BBS4: variants seen among roughly 807,000 people sequenced by gnomAD.
BBS4 encodes the protein Bardet-Biedl syndrome 4.
In BBS4, 58 loss-of-function variants were observed where a neutral mutation model predicts 71.4. The ratio of observed to expected loss-of-function variants is 0.81; its 90% CI spans 0.66 to 1.01. The LOEUF (loss-of-function observed/expected upper bound fraction) is 1.01. BBS4 is among the 50% of genes least tolerant of loss of function. The probability of loss-of-function intolerance (pLI) is 0.00; values close to 1 mark genes in which losing one functional copy is unlikely to be tolerated. For synonymous variants in BBS4, 228 were observed against 216.8 expected, an observed-to-expected ratio of 1.05 and a Z score of -0.46; for missense variants, 660 against 607.9, an observed-to-expected ratio of 1.09 and a Z score of -0.90.
chr15:72,737,093 G>GAA, intron 15 of BBS4, 130 bp downstream of exon 15: 1 of 1,153,952 alleles, frequency 8.7e-7, no homozygotes, highest in Non-Finnish European at 1.3e-6. Context: ...CACAAGGGGA[G>GAA]AAAAAAAACA....
chr15:72,730,187 G>C (rs1004122845), intron 10 of BBS4, among the ~76,000 whole-genome samples: 1 of 151,666 alleles, frequency 6.6e-6, no homozygotes, highest in Non-Finnish European at 1.5e-5. Flanking sequence ...TGAGGCAGGA[G>C]AATGGCGTGA....
intron 5 of BBS4, among the ~76,000 whole-genome samples, chr15:72,715,750 T>G (rs1412608811): frequency 6.6e-6 from 1 of 152,238 alleles, no homozygotes; most frequent in African/African-American, 2.4e-5. Flanking sequence ...ACTTAGTATT[T>G]GTCACACAGT....
chr15:72,698,442 A>G (rs2065115287), intron 2 of BBS4, among the ~76,000 whole-genome samples: 1 of 152,136 alleles, frequency 6.6e-6, no homozygotes, highest in East Asian at 1.9e-4. Flanking sequence ...TTCTGTATCT[A>G]TGAATTTGAC....
chr15:72,723,352 A>G (rs1244370565), intron 7 of BBS4, among the ~76,000 whole-genome samples: 1 of 152,210 alleles, frequency 6.6e-6, no homozygotes, highest in Non-Finnish European at 1.5e-5. Flanking sequence ...ATTAAGCTAT[A>G]GACTCCTATA....
intron 1 of BBS4, among the ~76,000 whole-genome samples, chr15:72,694,415 T>A (rs1218565846): frequency 6.6e-6 from 1 of 152,194 alleles, no homozygotes; most frequent in Non-Finnish European, 1.5e-5. Flanking sequence ...GGTCTTGAAC[T>A]CCTGACCTCA....
chr15:72,702,272 C>A (rs760912933), intron 2 of BBS4, among the ~76,000 whole-genome samples: 8 of 152,052 alleles, frequency 5.3e-5, no homozygotes, highest in Non-Finnish European at 1.2e-4. Context: ...CCTTGGAGAC[C>A]TGGGTTATAG....
chr15:72,700,435 A>G (rs2065150716), intron 2 of BBS4, among the ~76,000 whole-genome samples: 1 of 152,208 alleles, frequency 6.6e-6, no homozygotes, highest in Non-Finnish European at 1.5e-5. Context: ...CTGTTTGGCT[A>G]CATTCTTGCC....
chr15:72,725,049 T>TAG (rs1450047592), intron 8 of BBS4, among the ~76,000 whole-genome samples: 4 of 101,422 alleles, frequency 3.9e-5, no homozygotes, highest in African/African-American at 9.8e-5. Flanking sequence ...TATATATATA[T>TAG]ATATATATAG....
chr15:72,730,899 C>A (rs904218581), intron 10 of BBS4, among the ~76,000 whole-genome samples: 16 of 152,118 alleles, frequency 1.1e-4, no homozygotes, highest in Admixed American at 3.3e-4. Context: ...TAAGTAGCCA[C>A]GTACAGGTGT....
intron 2 of BBS4, among the ~76,000 whole-genome samples, chr15:72,696,818 T>C (rs891423706): frequency 6.6e-6 from 1 of 152,186 alleles, no homozygotes; most frequent in Admixed American, 6.5e-5. Flanking sequence ...TTTGAACTCC[T>C]GGCTTCAAGT....
At chr15:72,703,624 A>G (rs1391583957) in intron 2 of BBS4, among the ~76,000 whole-genome samples, 2 of 152,142 alleles carry the variant, frequency 1.3e-5, no homozygotes, top group East Asian at 3.9e-4. Flanking sequence ...GAGAAGTGAA[A>G]TAACTTGCCC....
intron 9 of BBS4, among the ~76,000 whole-genome samples, chr15:72,728,989 C>T (rs552998034): frequency 6.6e-6 from 1 of 152,208 alleles, no homozygotes; most frequent in South Asian, 2.1e-4. Flanking sequence ...TGAGGATACC[C>T]AGCTCATTTC....
chr15:72,735,749 T>C (rs200002292), intron 13 of BBS4, 76 bp from the exon 14 acceptor site: 2 of 1,587,484 alleles, frequency 1.3e-6, no homozygotes, highest in East Asian at 4.5e-5. Context: ...TGTTTTGTTT[T>C]TGTGTAATGA....
Position 72,738,240 on chromosome 15 carries a change from G to A in BBS4, c.*653G>A, listed in dbSNP as rs1298764468. 4.4e-6 allele frequency: 2 copies of A among 453,840 alleles called. No individual in the cohort carries two copies. Among genetic ancestry groups the A allele is most frequent in the Non-Finnish European group, 8.8e-6 (2 of 226,766 alleles). 28.1% of individuals were successfully genotyped at this position (453,840 alleles called of 1,614,324 possible). ...TAGAAGCTAGATCCTATCAGGATGA[G>A]GAGCAGCAGCCCAGGGCTTGTCTGG... On this transcript the variant is annotated 3_prime_UTR_variant, in exon 16 of 16. Coordinates refer to ENST00000268057, the MANE Select transcript of BBS4 (RefSeq NM_033028.5).
chr15:72,723,632 C>T (rs988593928), intron 7 of BBS4, among the ~76,000 whole-genome samples: 1 of 152,138 alleles, frequency 6.6e-6, no homozygotes, highest in Non-Finnish European at 1.5e-5. Context: ...ACTAGTATCC[C>T]ACACTGGTGT....
intron 14 of BBS4, 99 bp downstream of exon 14, chr15:72,736,065 T>C: frequency 7.3e-7 from 1 of 1,370,982 alleles, no homozygotes; most frequent in African/African-American, 1.4e-5. Flanking sequence ...TACACGTTCA[T>C]GGCTGTTCTG....
intron 4 of BBS4, 30 bp from the exon 5 acceptor site, chr15:72,715,261 C>CT (rs761232419): frequency 3.3e-5 from 51 of 1,549,772 alleles, no homozygotes; most frequent in Admixed American, 5.0e-5. Flanking sequence ...CATGGTTTTA[C>CT]TTTTTTTTGT....
chr15:72,715,341 C>G lies in BBS4; in HGVS notation c.271C>G (p.Gln91Glu). Residue 91 changes from glutamine (Q) to glutamate (E), a missense_variant, in exon 5 of 16, where the codon CAG becomes GAG. Physicochemically the swap from Gln to Glu is conservative, Grantham distance 29. Transcript: ENST00000268057. Reference sequence around the variant, plus strand: ...TATCCAAGAATCCCTAGAACTCTTCCAGACATGTGCAGTTCTTAGTCCTCA... The same window carrying G: ...TATCCAAGAATCCCTAGAACTCTTCGAGACATGTGCAGTTCTTAGTCCTCA... Reference protein sequence around the residue: ...GNIQESLELFQTCAVLSPQSA... With the variant: ...GNIQESLELFETCAVLSPQSA... The G allele has an allele frequency of 6.2e-7, 1 of 1,614,050 alleles. No individual in the cohort carries two copies. Among genetic ancestry groups the G allele is most frequent in the Non-Finnish European group, 8.5e-7 (1 of 1,179,958 alleles).
chr15:72,690,452 G>A (rs976539733), intron 1 of BBS4, among the ~76,000 whole-genome samples: 2 of 152,156 alleles, frequency 1.3e-5, no homozygotes, highest in Non-Finnish European at 2.9e-5. Flanking sequence ...ATTCTGCTTT[G>A]TGCAGAAAGA....
Sources: gnomAD v4.1 joint callset for allele counts (sites outside exome capture counted in the v4.1 genomes callset) on GRCh38, gnomAD v4.1.1 for gene constraint, MANE v1.5 for transcripts, NCBI Gene and HGNC (gene_info 2026-07-23, HGNC 2026-07-21) for gene names.